CAMK1D: variants seen among roughly 807,000 people sequenced by gnomAD.
The protein encoded by CAMK1D is calcium/calmodulin-dependent protein kinase type 1D.
In CAMK1D, 9 loss-of-function variants were observed where a neutral mutation model predicts 47.7. The ratio of observed to expected loss-of-function variants is 0.19; its 90% CI spans 0.11 to 0.33. The LOEUF (loss-of-function observed/expected upper bound fraction) is 0.33. Ranked by LOEUF, CAMK1D falls within the 10% of genes least tolerant of loss-of-function variation. The pLI, the probability that CAMK1D is intolerant of heterozygous loss-of-function variation, is 1.00. For missense variants in CAMK1D, 291 were observed against 488.7 expected, an observed-to-expected ratio of 0.60 and a Z score of 3.81; for synonymous variants, 184 against 184.9, an observed-to-expected ratio of 0.99 and a Z score of 0.04.
chr10:12,515,419 T>G lies in CAMK1D; in HGVS notation c.93-37806T>G, dbSNP rs1245479317. 2.1e-4 allele frequency among the ~76,000 whole-genome samples: 10 copies of G among 48,406 alleles called. No homozygotes were observed. In the East Asian group the frequency reaches 0.011, roughly 54 times the overall value. 31.8% of individuals were successfully genotyped at this position (48,406 alleles called of 152,430 possible). On this transcript the variant is annotated intron_variant, in intron 1 of 10. Coordinates refer to ENST00000619168, the MANE Select transcript of CAMK1D (RefSeq NM_153498.4). Reference sequence around the variant, plus strand: ...TTCCTTTTCTTTTTTTTTTTTTTTCTTTTTTTTTTTCATTATACTTTAAGT... The same window carrying G: ...TTCCTTTTCTTTTTTTTTTTTTTTCGTTTTTTTTTTCATTATACTTTAAGT...
chr10:12,611,635 A>G lies in CAMK1D; in HGVS notation c.225-55101A>G, dbSNP rs1005377439. 4.9e-4 allele frequency among the ~76,000 whole-genome samples: 51 copies of G among 103,778 alleles called. 2 individuals are homozygous for G. Among genetic ancestry groups the G allele is most frequent in the Non-Finnish European group, 3.7e-5 (2 of 54,724 alleles). 68.1% of individuals were successfully genotyped at this position (103,778 alleles called of 152,430 possible). On this transcript the variant is annotated intron_variant, in intron 2 of 10. Coordinates refer to ENST00000619168, the MANE Select transcript of CAMK1D (RefSeq NM_153498.4). ...GAGACAGAGTCTTACTCTGTCTCCCAGGCTGGAGTGCAGTGGCGCAATCTC... is the reference window on the plus strand; with the variant it reads ...GAGACAGAGTCTTACTCTGTCTCCCGGGCTGGAGTGCAGTGGCGCAATCTC...
At chr10:12,461,106 AGCCAGCCTGTGAGGACAG>A (rs2132053191) in intron 1 of CAMK1D, among the ~76,000 whole-genome samples, 1 of 152,322 alleles carries the variant, frequency 6.6e-6, no homozygotes, top group Non-Finnish European at 1.5e-5. Flanking sequence ...CAGTTGCTGC[AGCCAGCCTGTGAGGACAG>A]GATCGTCCTC....
intron 1 of CAMK1D, among the ~76,000 whole-genome samples, chr10:12,371,881 G>A (rs1564298677): frequency 6.6e-6 from 1 of 152,026 alleles, no homozygotes; most frequent in East Asian, 2.0e-4. Flanking sequence ...TAGCCAGACT[G>A]GTCTCGAACT....
intron 2 of CAMK1D, among the ~76,000 whole-genome samples, chr10:12,606,760 G>T (rs982887525): frequency 5.9e-5 from 9 of 152,144 alleles, no homozygotes; most frequent in Admixed American, 5.9e-4. Flanking sequence ...ATTATCATTC[G>T]CAAAGTGTAG....
intron 1 of CAMK1D, among the ~76,000 whole-genome samples, chr10:12,453,273 T>C (rs1462947946): frequency 3.3e-5 from 5 of 151,458 alleles, no homozygotes; most frequent in South Asian, 2.1e-4. Context: ...CACTGCAAGC[T>C]CCGCCTCCTG....
chr10:12,544,285 T>C (rs1836289203), intron 1 of CAMK1D, among the ~76,000 whole-genome samples: 1 of 152,240 alleles, frequency 6.6e-6, no homozygotes, highest in South Asian at 2.1e-4. Context: ...TTCTTTATCA[T>C]TCAAATAAAT....
In CAMK1D at chr10:12,825,550, T is replaced by C. The variant is rs1215025836; in HGVS notation, c.922-23T>C. The C allele has an allele frequency of 2.5e-6, 4 of 1,603,354 alleles. No individual in the cohort carries two copies. In the African/African-American group the frequency reaches 5.4e-5, roughly 22 times the overall value. On this transcript the variant is annotated intron_variant, in intron 9 of 10. Coordinates refer to ENST00000619168, the MANE Select transcript of CAMK1D (RefSeq NM_153498.4). ...CCGATTAGCTGAAATATTTGTCTGC[T>C]TTTTTCCTTTCTGAAATTTCAGCAA...
At chr10:12,807,170 C>G (rs1838768949) in intron 6 of CAMK1D, among the ~76,000 whole-genome samples, 1 of 152,230 alleles carries the variant, frequency 6.6e-6, no homozygotes. Flanking sequence ...CTGAATCTCT[C>G]ACATGTACCT....
chr10:12,438,365 C>G (rs970814033), intron 1 of CAMK1D, among the ~76,000 whole-genome samples: 2 of 152,100 alleles, frequency 1.3e-5, no homozygotes, highest in South Asian at 2.1e-4. Context: ...CTTCCCCTGT[C>G]GTGATGGAAT....
intron 1 of CAMK1D, among the ~76,000 whole-genome samples, chr10:12,425,515 C>T (rs572061718): frequency 3.9e-5 from 6 of 152,288 alleles, no homozygotes; most frequent in South Asian, 4.1e-4. Flanking sequence ...CTCCTGACCT[C>T]GGGTGAACTG....
At chr10:12,558,423 G>T (rs1466664983) in intron 2 of CAMK1D, among the ~76,000 whole-genome samples, 3 of 152,044 alleles carry the variant, frequency 2.0e-5, no homozygotes, top group Admixed American at 1.3e-4. Context: ...GCGTTGTGGC[G>T]CATACCTATA....
At chr10:12,795,733 G>T (rs1444739901) in intron 6 of CAMK1D, among the ~76,000 whole-genome samples, 2 of 152,016 alleles carry the variant, frequency 1.3e-5, no homozygotes, top group African/African-American at 2.4e-5. Context: ...CCCTCTTTTG[G>T]TCTCCATTTA....
intron 4 of CAMK1D, among the ~76,000 whole-genome samples, chr10:12,767,757 C>T (rs998893586): frequency 6.6e-6 from 1 of 152,206 alleles, no homozygotes; most frequent in Non-Finnish European, 1.5e-5. Flanking sequence ...ACTGAATACA[C>T]ACTTTACAGG....
intron 3 of CAMK1D, among the ~76,000 whole-genome samples, chr10:12,751,098 TAA>T (rs1835946116): frequency 3.2e-5 from 3 of 92,382 alleles, no homozygotes; most frequent in Admixed American, 2.1e-4. Flanking sequence ...TAAGATAAGA[TAA>T]GATAAGATAA....
At chr10:12,769,465 G>A (rs1487683854) in intron 4 of CAMK1D, among the ~76,000 whole-genome samples, 2 of 152,150 alleles carry the variant, frequency 1.3e-5, no homozygotes, top group South Asian at 2.1e-4. Context: ...AGAGACTAAC[G>A]TTGATTGAAA....
chr10:12,740,180 C>T (rs1157933052), intron 3 of CAMK1D, among the ~76,000 whole-genome samples: 3 of 152,178 alleles, frequency 2.0e-5, no homozygotes. Context: ...TCCCTGACAC[C>T]CCTGGTGTAG....
intron 1 of CAMK1D, among the ~76,000 whole-genome samples, chr10:12,552,193 G>T (rs916458663): frequency 9.8e-5 from 15 of 152,366 alleles, no homozygotes; most frequent in African/African-American, 3.1e-4. Context: ...CCCCTCCAGA[G>T]AAGTGGGCTC....
chr10:12,691,524 C>T (rs1406504121), intron 3 of CAMK1D, among the ~76,000 whole-genome samples: 2 of 148,134 alleles, frequency 1.4e-5, no homozygotes, highest in Admixed American at 6.8e-5. Flanking sequence ...CCTCTGCCTC[C>T]GGGATTCAAG....
chr10:12,428,137 G>A (rs898259073), intron 1 of CAMK1D, among the ~76,000 whole-genome samples: 1 of 152,076 alleles, frequency 6.6e-6, no homozygotes, highest in Non-Finnish European at 1.5e-5. Context: ...CCCGTCATCT[G>A]CATTAGGTAT....
Sources: gnomAD v4.1 joint callset for allele counts (sites outside exome capture counted in the v4.1 genomes callset) on GRCh38, gnomAD v4.1.1 for gene constraint, MANE v1.5 for transcripts, NCBI Gene and HGNC (gene_info 2026-07-23, HGNC 2026-07-21) for gene names.